The following TMEM255A variants were observed in gnomAD, a reference collection of about 807,000 sequenced individuals.
TMEM255A encodes the protein family with sequence similarity 70, member A.
TMEM255A carries 14 observed loss-of-function variants against 23.5 expected under a neutral mutation model. That is an observed-to-expected ratio of 0.60 (90% CI 0.39 to 0.93). The LOEUF (loss-of-function observed/expected upper bound fraction) is 0.93, where lower values mean the gene tolerates loss of function less well. Among genes scored for constraint, TMEM255A ranks in the 40% least tolerant of loss-of-function variants. The pLI is 0.00. For missense variants in TMEM255A, 233 were observed against 261.7 expected (o/e 0.89, Z 0.76); for synonymous variants, 104 against 100.3 (o/e 1.04, Z -0.22).
rs781848332 is a variant in TMEM255A at position 120,277,016 on chromosome X, A to T, written c.544T>A (p.Tyr182Asn). Reference protein sequence around the residue: ...RVEITGGYYEYIDVSSCQDII... With the variant: ...RVEITGGYYENIDVSSCQDII... ...TCTTGGCAACTGCTGACATCGATGT[A>T]TTCGTAGTACCCACCAGTGATCTCC... The change falls in exon 7 of 9, where the codon TAC becomes AAC. Residue 182 changes from tyrosine to asparagine, a missense_variant. By Grantham distance (143) the Tyr-to-Asn change is moderately radical. Transcript: ENST00000371369. 2 of 1,208,905 alleles carry T rather than the reference A, an allele frequency of 1.7e-6. No homozygotes were observed. The highest frequency in any genetic ancestry group is 2.2e-6 in the Non-Finnish European group (2 of 894,579).
chrX:120,253,365 G>GT, the TMEM255A span: 1 of 1,077,213 alleles, frequency 9.3e-7, no homozygotes, highest in South Asian at 2.3e-5. Context: ...AAGTACTTTT[G>GT]TTTTTTCTCT....
At chrX:120,275,958 A>G (rs1045082635) in intron 7 of TMEM255A, among the ~76,000 whole-genome samples, 7 of 108,755 alleles carry the variant, frequency 6.4e-5, no homozygotes, top group Non-Finnish European at 1.1e-4. Flanking sequence ...ACACCCAGCT[A>G]ATTAAAAAAA....
chrX:120,307,978 C>A (rs1415855070), intron 1 of TMEM255A, among the ~76,000 whole-genome samples: 1 of 111,849 alleles, frequency 8.9e-6, no homozygotes, highest in African/African-American at 3.3e-5. Flanking sequence ...CTTCCAAAAA[C>A]AACCAGCTTT....
chrX:120,264,652 C>T lies in TMEM255A; in HGVS notation c.819+3592G>A, dbSNP rs1199770073. 4.5e-5 allele frequency among the ~76,000 whole-genome samples: 5 copies of T among 110,705 alleles called. No individual in the cohort carries two copies. In the East Asian group the frequency reaches 1.1e-3, roughly 25 times the overall value. On this transcript the variant is annotated intron_variant, in intron 8 of 8. Transcript: ENST00000371369. ...ACCCAAAGTCACAGAAATAGTCCTA[C>T]TTGGAAATAACCAAAATGGGAAGTC...
downstream of TMEM255A, chrX:120,258,076 C>T (rs781813555): frequency 3.2e-5 from 4 of 123,111 alleles, no homozygotes; most frequent in East Asian, 8.3e-4. Context: ...TTGGTGGTAA[C>T]GATCCCCCAC....
chrX:120,269,604 G>T (rs1282872373), intron 7 of TMEM255A, among the ~76,000 whole-genome samples: 1 of 111,399 alleles, frequency 9.0e-6, no homozygotes, highest in African/African-American at 3.3e-5. Context: ...CCTTGGAGTG[G>T]GTTACTGTTT....
Position 120,296,872 on chromosome X carries a change from A to AT in TMEM255A, c.202-2822dup, listed in dbSNP as rs2057978439. On this transcript the variant is annotated intron_variant, in intron 2 of 8. Transcript: ENST00000371369. ...TCATATATAATATATAATATATTATATATCATATATATTATATATGATATA... is the reference window on the plus strand; with the variant it reads ...TCATATATAATATATAATATATTATATTATCATATATATTATATATGATATA... Among the ~76,000 whole-genome samples, 6 of 8,841 alleles carry AT rather than the reference A, an allele frequency of 6.8e-4. 1 individual carries two copies. Among genetic ancestry groups the AT allele is most frequent in the Non-Finnish European group, 8.4e-4 (6 of 7,142 alleles). The allele number at this position is 8,841 out of a possible 115,157, so 7.7% of individuals were successfully genotyped here.
At chrX:120,256,816 T>A (rs1250950614), downstream of TMEM255A, 1 of 119,878 alleles carries the variant, frequency 8.3e-6, no homozygotes, top group African/African-American at 3.3e-5. Context: ...AAGGAAAAAA[T>A]TGATACTGGA....
In TMEM255A at chrX:120,296,688, A is replaced by C. The variant is rs781879338; in HGVS notation, c.202-2637T>G. Among the ~76,000 whole-genome samples, 93 of 61,236 alleles carry C rather than the reference A, an allele frequency of 1.5e-3. 1 individual carries two copies. Among genetic ancestry groups the C allele is most frequent in the African/African-American group, 6.1e-3 (88 of 14,417 alleles). 53.2% of individuals were successfully genotyped at this position (61,236 alleles called of 115,157 possible). The stretch of plus-strand genomic sequence containing the variant: ...ATATAATATATATTATATTTAATAT[A>C]TATATTAAATATATTTAGGTAAATA... On this transcript the variant is annotated intron_variant, in intron 2 of 8. Transcript: ENST00000371369.
intron 2 of TMEM255A, among the ~76,000 whole-genome samples, chrX:120,301,231 A>G (rs1556025973): frequency 8.9e-6 from 1 of 111,948 alleles, no homozygotes; most frequent in Non-Finnish European, 1.9e-5. Flanking sequence ...GTGACTTAGA[A>G]TTATGCAAAT....
chrX:120,271,035 A>C (rs1556018649), intron 7 of TMEM255A, among the ~76,000 whole-genome samples: 1 of 111,075 alleles, frequency 9.0e-6, no homozygotes, highest in African/African-American at 3.3e-5. Flanking sequence ...TCTTCTCCCC[A>C]GATCTTTGCT....
At chrX:120,271,287 G>C (rs964722114) in intron 7 of TMEM255A, among the ~76,000 whole-genome samples, 3 of 112,100 alleles carry the variant, frequency 2.7e-5, no homozygotes, top group African/African-American at 9.7e-5. Context: ...AATAGAAAGA[G>C]CAAAGGCTCT....
downstream of TMEM255A, chrX:120,255,261 G>A (rs1556015213): frequency 1.7e-6 from 2 of 1,211,789 alleles, no homozygotes; most frequent in South Asian, 3.5e-5. Flanking sequence ...TGATGGTATT[G>A]GGTATAAGGT....
chrX:120,285,515 G>A, intron 5 of TMEM255A: 2 of 1,014,026 alleles, frequency 2.0e-6, no homozygotes, highest in Non-Finnish European at 2.8e-6. Context: ...CAAATGGACT[G>A]AAGGAAATGA....
chrX:120,298,947 C>T (rs1055402963), intron 2 of TMEM255A, among the ~76,000 whole-genome samples: 2 of 109,764 alleles, frequency 1.8e-5, no homozygotes, highest in Non-Finnish European at 3.8e-5. Flanking sequence ...AATGTTATGA[C>T]GGCCCCAAGG....
chrX:120,269,867 C>G (rs1436487254), intron 7 of TMEM255A, among the ~76,000 whole-genome samples: 1 of 112,023 alleles, frequency 8.9e-6, no homozygotes, highest in Non-Finnish European at 1.9e-5. Context: ...AACACACCCT[C>G]CAGCTCTCGC....
intron 2 of TMEM255A, among the ~76,000 whole-genome samples, chrX:120,301,959 A>T (rs953256233): frequency 8.9e-6 from 1 of 112,104 alleles, no homozygotes; most frequent in African/African-American, 3.2e-5. Context: ...TCTGCTATTC[A>T]ATCTGCTGTC....
the TMEM255A span, chrX:120,252,700 A>C: frequency 8.9e-6 from 1 of 112,102 alleles, no homozygotes; most frequent in African/African-American, 3.2e-5. Context: ...ACTGTTTAAC[A>C]TTCCACCTCT....
intron 2 of TMEM255A, among the ~76,000 whole-genome samples, chrX:120,296,796 ATATG>A (rs1556024313): frequency 4.4e-4 from 5 of 11,288 alleles, no homozygotes; most frequent in Admixed American, 1.3e-3. Context: ...TATATAATAT[ATATG>A]ATATATAATA....
Sources: allele counts gnomAD v4.1 joint callset (sites outside exome capture counted in the v4.1 genomes callset), GRCh38; gene constraint gnomAD v4.1.1; transcripts MANE v1.5; gene names NCBI Gene and HGNC (gene_info 2026-07-23, HGNC 2026-07-21).